The following CEP135 variants were observed in gnomAD, a reference collection of about 807,000 sequenced individuals.
The protein encoded by CEP135 is centrosomal protein of 135 kDa.
In CEP135, 142 loss-of-function variants were observed where a neutral mutation model predicts 157.3. The observed-to-expected ratio is 0.90, with a 90% CI of 0.79 to 1.04. CEP135 has a LOEUF of 1.04. CEP135 is among the 50% of genes least tolerant of loss of function. The pLI is 0.00. For missense variants in CEP135, 1,317 were observed against 1,309.2 expected, an observed-to-expected ratio of 1.01 and a Z score of -0.09; for synonymous variants, 396 against 439.8, an observed-to-expected ratio of 0.90 and a Z score of 1.25.
At chr4:55,993,646 G>A (rs1464132371) in intron 15 of CEP135, among the ~76,000 whole-genome samples, 1 of 152,122 alleles carries the variant, frequency 6.6e-6, no homozygotes, top group Non-Finnish European at 1.5e-5. Context: ...AATTTCACTT[G>A]TCACTTTCGT....
chr4:55,990,465 T>C (rs1014168106), intron 14 of CEP135, among the ~76,000 whole-genome samples: 10 of 152,028 alleles, frequency 6.6e-5, no homozygotes, highest in Non-Finnish European at 1.3e-4. Flanking sequence ...TCCAGCTAAG[T>C]TGTTTTTCCA....
At chr4:55,961,271 C>A (rs1174138286) in intron 6 of CEP135, among the ~76,000 whole-genome samples, 1 of 151,884 alleles carries the variant, frequency 6.6e-6, no homozygotes, top group Non-Finnish European at 1.5e-5. Context: ...AACTTCTTAC[C>A]ATCTCTGTGA....
chr4:55,989,300 A>G (rs920431356), intron 14 of CEP135, among the ~76,000 whole-genome samples: 4 of 152,204 alleles, frequency 2.6e-5, no homozygotes, highest in Non-Finnish European at 4.4e-5. Flanking sequence ...TATAGCATTC[A>G]CTATGTTTCA....
intron 25 of CEP135, among the ~76,000 whole-genome samples, chr4:56,028,253 T>C (rs1482038415): frequency 6.6e-6 from 1 of 152,190 alleles, no homozygotes; most frequent in African/African-American, 2.4e-5. Context: ...CTAGAATTGG[T>C]GGGTCATATG....
intron 10 of CEP135, among the ~76,000 whole-genome samples, chr4:55,972,179 A>C (rs1729049623): frequency 6.6e-6 from 1 of 152,038 alleles, no homozygotes; most frequent in Non-Finnish European, 1.5e-5. Context: ...TTCATTCATT[A>C]ATTTGACCGA....
chr4:56,023,898 TA>T (rs1731063017), intron 24 of CEP135, among the ~76,000 whole-genome samples: 1 of 138,790 alleles, frequency 7.2e-6, no homozygotes, highest in African/African-American at 2.6e-5. Flanking sequence ...GTAATATATA[TA>T]ATATATATTA....
In CEP135 at chr4:56,017,649, A is replaced by G. The variant is rs1241689930; in HGVS notation, c.2804A>G (p.His935Arg). 2 of 1,570,824 alleles carry G rather than the reference A, an allele frequency of 1.3e-6. No homozygotes were observed. The highest frequency in any genetic ancestry group is 2.4e-5 in the South Asian group (2 of 83,266). The change falls in exon 22 of 26, where the codon CAC becomes CGC. Residue 935 changes from histidine (H) to arginine (R), a missense_variant and splice_region_variant. By Grantham distance (29) the His-to-Arg change is conservative. Transcript: ENST00000257287. ...ACTTGTTTCTTTTTCTTTTTTCAGC[A>G]CATAAATGCCCATCATGCTTATGAA... ...VELLEKEIQE[H>R]INAHHAYESQ...
intron 3 of CEP135, 108 bp from the exon 4 acceptor site, chr4:55,954,108 C>G: frequency 1.1e-6 from 1 of 909,542 alleles, no homozygotes; most frequent in Non-Finnish European, 1.6e-6. Context: ...GCATAAGAAG[C>G]AGGTGGAGAC....
At chr4:56,010,375 A>T (rs1730538835) in intron 19 of CEP135, among the ~76,000 whole-genome samples, 1 of 151,888 alleles carries the variant, frequency 6.6e-6, no homozygotes, top group Admixed American at 6.6e-5. Flanking sequence ...AAAAAAAAAA[A>T]AAATGGGCAA....
chr4:55,949,015 GGGCAATGCGGCTGGAGGCGGA>G lies in CEP135; in HGVS notation c.-84_-64del, dbSNP rs1239792862. ...AGCTAGTGGGGGACTCGAGGCCTGA[GGGCAATGCGGCTGGAGGCGGA>G]GGCAACGGCGGCTGGAGCTGCCGGT... On this transcript the variant is annotated 5_prime_UTR_variant, in exon 1 of 26. It removes an upstream start codon present in the reference 5' UTR. Transcript: ENST00000257287. 2 of 153,300 alleles carry G rather than the reference GGGCAATGCGGCTGGAGGCGGA, an allele frequency of 1.3e-5. No homozygotes were observed. The highest frequency in any genetic ancestry group is 3.8e-4 in the East Asian group (2 of 5,246). 9.5% of individuals were successfully genotyped at this position (153,300 alleles called of 1,614,324 possible).
At chr4:56,014,503 TCAGA>T (rs993057878) in intron 21 of CEP135, among the ~76,000 whole-genome samples, 1 of 152,216 alleles carries the variant, frequency 6.6e-6, no homozygotes, top group African/African-American at 2.4e-5. Context: ...TGGTGATGTC[TCAGA>T]CAGAGTTGAG....
At chr4:55,960,233 CTTA>C (rs747313833) in intron 6 of CEP135, 81 of 162,526 alleles carry the variant, frequency 5.0e-4, no homozygotes, top group Admixed American at 3.2e-4. Flanking sequence ...TTTTTCTACT[CTTA>C]TTATATATTT....
intron 17 of CEP135, among the ~76,000 whole-genome samples, chr4:56,000,631 C>A (rs981469834): frequency 2.0e-5 from 3 of 152,202 alleles, no homozygotes; most frequent in African/African-American, 7.2e-5. Context: ...AACATCATGA[C>A]CTCCAGGTCC....
At chr4:55,996,967 G>T (rs576354906) in intron 15 of CEP135, among the ~76,000 whole-genome samples, 1 of 152,270 alleles carries the variant, frequency 6.6e-6, no homozygotes, top group African/African-American at 2.4e-5. Context: ...CCTCTACCCA[G>T]TCACATCTGC....
chr4:56,019,520 A>C lies in CEP135; in HGVS notation c.3180A>C (p.Leu1060=), dbSNP rs1157008731. ...ACGAGAAGGATACAGAAATCCAGCTACTTAAGGAGAAGTTAACCCTTTCTG... is the reference window on the plus strand; with the variant it reads ...ACGAGAAGGATACAGAAATCCAGCTCCTTAAGGAGAAGTTAACCCTTTCTG... ...TSHEKDTEIQ[L]LKEKLTLSES... Residue 1060 remains leucine (L), a synonymous_variant, in exon 23 of 26, where the codon CTA becomes CTC. Coordinates refer to ENST00000257287, the MANE Select transcript of CEP135 (RefSeq NM_025009.5). 2.5e-6 allele frequency: 4 copies of C among 1,613,818 alleles called. No individual in the cohort carries two copies. In the East Asian group the frequency reaches 8.9e-5, roughly 36 times the overall value.
At chr4:55,991,666 TC>T (rs1234584183) in intron 14 of CEP135, among the ~76,000 whole-genome samples, 1 of 152,222 alleles carries the variant, frequency 6.6e-6, no homozygotes, top group African/African-American at 2.4e-5. Context: ...GCCAGTGGTT[TC>T]CTTCCTGTTT....
intron 15 of CEP135, among the ~76,000 whole-genome samples, chr4:55,998,114 C>T (rs866503113): frequency 7.2e-5 from 11 of 152,260 alleles, no homozygotes; most frequent in African/African-American, 2.2e-4. Context: ...CCTTCTTATT[C>T]GTGGTTTTGG....
intron 10 of CEP135, among the ~76,000 whole-genome samples, chr4:55,971,830 C>G (rs1729036007): frequency 6.6e-6 from 1 of 152,114 alleles, no homozygotes; most frequent in South Asian, 2.1e-4. Context: ...GGTACCAGTT[C>G]TAAATGACTT....
intron 4 of CEP135, among the ~76,000 whole-genome samples, chr4:55,955,265 T>A (rs955305418): frequency 2.6e-5 from 4 of 152,084 alleles, no homozygotes; most frequent in Non-Finnish European, 5.9e-5. Context: ...CAAGACAGAT[T>A]AAAGAGCATG....
Sources: gnomAD v4.1 joint callset for allele counts (sites outside exome capture counted in the v4.1 genomes callset) on GRCh38, gnomAD v4.1.1 for gene constraint, MANE v1.5 for transcripts, NCBI Gene and HGNC (gene_info 2026-07-23, HGNC 2026-07-21) for gene names.